The following RANBP17 variants were observed in gnomAD, a reference collection of about 807,000 sequenced individuals.
RANBP17 encodes the protein ran-binding protein 17.
RANBP17 carries 158 observed loss-of-function variants against 141.2 expected under a neutral mutation model. The ratio of observed to expected loss-of-function variants is 1.12; its 90% confidence interval spans 0.98 to 1.28. The LOEUF (loss-of-function observed/expected upper bound fraction) is 1.28. RANBP17 is among the 50% of genes most tolerant of loss of function. RANBP17 has a pLI of 0.00. For missense variants in RANBP17, 1,438 were observed against 1,290.7 expected (o/e 1.11, Z -1.75); for synonymous variants, 430 against 450.0 (o/e 0.96, Z 0.56).
intron 14 of RANBP17, among the ~76,000 whole-genome samples, chr5:171,032,565 T>C (rs1421105988): frequency 1.3e-5 from 2 of 152,126 alleles, no homozygotes; most frequent in Non-Finnish European, 2.9e-5. Context: ...TTTATTCCCC[T>C]GTATATCTGT....
chr5:170,872,503 C>A (rs890225965), intron 1 of RANBP17, among the ~76,000 whole-genome samples: 6 of 152,134 alleles, frequency 3.9e-5, no homozygotes, highest in African/African-American at 7.2e-5. Context: ...CCCTTTATTT[C>A]TTTCTTTTGC....
At chr5:171,205,319 T>C (rs1426780957) in intron 19 of RANBP17, among the ~76,000 whole-genome samples, 1 of 152,198 alleles carries the variant, frequency 6.6e-6, no homozygotes, top group East Asian at 1.9e-4. Flanking sequence ...ATGACTTAGC[T>C]AAATTTATAA....
At chr5:171,052,439 T>C (rs1360644339) in intron 14 of RANBP17, among the ~76,000 whole-genome samples, 1 of 152,196 alleles carries the variant, frequency 6.6e-6, no homozygotes, top group Non-Finnish European at 1.5e-5. Context: ...CCTTTGCATG[T>C]GGTCATCCAG....
chr5:171,124,582 A>G (rs1182993336), intron 14 of RANBP17, among the ~76,000 whole-genome samples: 2 of 152,176 alleles, frequency 1.3e-5, no homozygotes, highest in Non-Finnish European at 2.9e-5. Flanking sequence ...TCAAACTGTC[A>G]AAAGTCAAAA....
At chr5:171,177,850 A>G (rs1760591579) in intron 16 of RANBP17, among the ~76,000 whole-genome samples, 2 of 152,106 alleles carry the variant, frequency 1.3e-5, no homozygotes, top group Admixed American at 6.6e-5. Context: ...AGAGATTAAG[A>G]CTTGTTTTCC....
chr5:170,998,011 A>G (rs1778935806), intron 14 of RANBP17, among the ~76,000 whole-genome samples: 1 of 151,320 alleles, frequency 6.6e-6, no homozygotes, highest in South Asian at 2.1e-4. Context: ...GCACTTTGGG[A>G]GGCTGAGGCG....
chr5:171,053,901 A>G (rs1388706463), intron 14 of RANBP17, among the ~76,000 whole-genome samples: 1 of 135,520 alleles, frequency 7.4e-6, no homozygotes, highest in African/African-American at 2.8e-5. Flanking sequence ...ATATATATAT[A>G]TATATATATA....
Position 171,075,844 on chromosome 5 carries a change from T to C in RANBP17, c.1711-94286T>C, listed in dbSNP as rs1784883777. 2.6e-5 allele frequency among the ~76,000 whole-genome samples: 4 copies of C among 152,028 alleles called. No homozygotes were observed. The South Asian group carries it at 8.3e-4, about 32-fold the overall frequency. ...GACACACACCTGTAATCCCAGCTACTTGGGAGGCTGAGGCATGAGAATCGC... is the reference window on the plus strand; with the variant it reads ...GACACACACCTGTAATCCCAGCTACCTGGGAGGCTGAGGCATGAGAATCGC... On this transcript the variant is annotated intron_variant, in intron 14 of 27. Transcript: ENST00000523189.
intron 12 of RANBP17, among the ~76,000 whole-genome samples, chr5:170,936,257 C>A (rs1399948443): frequency 1.3e-5 from 2 of 152,120 alleles, no homozygotes; most frequent in African/African-American, 4.8e-5. Context: ...TGAGGCAATG[C>A]CCCGCCGTGC....
chr5:170,960,747 A>G (rs1028315264), intron 13 of RANBP17, among the ~76,000 whole-genome samples: 1 of 152,160 alleles, frequency 6.6e-6, no homozygotes, highest in Non-Finnish European at 1.5e-5. Flanking sequence ...CTATGCAATG[A>G]CGTCATTGTT....
rs1181888473 is a variant in RANBP17, at chr5:171,286,171, G to C, written c.2944-7712G>C. Among the ~76,000 whole-genome samples, 5 of 152,178 alleles carry C rather than the reference G, an allele frequency of 3.3e-5. No homozygotes were observed. In the East Asian group the frequency reaches 9.6e-4, roughly 29 times the overall value. On this transcript the variant is annotated intron_variant, in intron 25 of 27. Coordinates refer to ENST00000523189, the MANE Select transcript of RANBP17 (RefSeq NM_022897.5). Reference sequence around the variant, plus strand: ...TCCGTAAGGAGGGGATGGCAGAGTGGGGGATGCTTTTAGTTGAGATGTGGA... The same window carrying C: ...TCCGTAAGGAGGGGATGGCAGAGTGCGGGATGCTTTTAGTTGAGATGTGGA...
intron 21 of RANBP17, among the ~76,000 whole-genome samples, chr5:171,218,038 T>A (rs1018399749): frequency 2.6e-5 from 4 of 152,240 alleles, no homozygotes; most frequent in Non-Finnish European, 5.9e-5. Flanking sequence ...GTGCTATAAA[T>A]TTCCCACCTA....
At chr5:170,960,818 A>G (rs1177738403) in intron 13 of RANBP17, among the ~76,000 whole-genome samples, 1 of 152,212 alleles carries the variant, frequency 6.6e-6, no homozygotes, top group Non-Finnish European at 1.5e-5. Context: ...CTGTCCCATT[A>G]GCCTCATTTT....
chr5:171,055,829 C>T (rs1018141990), intron 14 of RANBP17, among the ~76,000 whole-genome samples: 3 of 137,526 alleles, frequency 2.2e-5, no homozygotes, highest in Admixed American at 8.1e-5. Context: ...GCATGCTATT[C>T]GAGTCAAAGC....
rs925046241 is a variant in RANBP17, at chr5:170,958,465, T to A, written c.1574+4763T>A. On this transcript the variant is annotated intron_variant, in intron 13 of 27. Transcript: ENST00000523189. ...GGTGTGCAAGCAGGGCCAAGCAAAT[T>A]CAAGGTGGGGCATATTCTAGGACTT... Among the ~76,000 whole-genome samples, 11 of 152,256 alleles carry A rather than the reference T, an allele frequency of 7.2e-5. No individual in the cohort carries two copies. The East Asian group carries it at 2.1e-3, about 29-fold the overall frequency.
At chr5:171,051,902 T>C (rs1168500653) in intron 14 of RANBP17, among the ~76,000 whole-genome samples, 4 of 152,190 alleles carry the variant, frequency 2.6e-5, no homozygotes, top group Non-Finnish European at 5.9e-5. Flanking sequence ...TTGTTATTTT[T>C]AGGGTCGCTT....
intron 14 of RANBP17, among the ~76,000 whole-genome samples, chr5:171,067,198 A>C (rs1784361466): frequency 6.6e-6 from 1 of 152,058 alleles, no homozygotes; most frequent in Non-Finnish European, 1.5e-5. Flanking sequence ...AGTGGTGTCC[A>C]TGGGGTTTAC....
chr5:171,023,380 A>G (rs896347761), intron 14 of RANBP17, among the ~76,000 whole-genome samples: 1 of 152,162 alleles, frequency 6.6e-6, no homozygotes, highest in Non-Finnish European at 1.5e-5. Flanking sequence ...AAACATTATT[A>G]TTTTTTAATT....
At chr5:171,063,021 A>C (rs1784011321) in intron 14 of RANBP17, among the ~76,000 whole-genome samples, 1 of 151,970 alleles carries the variant, frequency 6.6e-6, no homozygotes, top group Non-Finnish European at 1.5e-5. Context: ...CAGCTCCTTT[A>C]AGCACTTCTC....
Sources: gnomAD v4.1 joint callset for allele counts (sites outside exome capture counted in the v4.1 genomes callset) on GRCh38, gnomAD v4.1.1 for gene constraint, MANE v1.5 for transcripts, NCBI Gene and HGNC (gene_info 2026-07-23, HGNC 2026-07-21) for gene names.